MATN3: variants seen among roughly 807,000 people sequenced by gnomAD.
The protein encoded by MATN3 is matrilin 3.
Under a neutral mutation model 45.3 loss-of-function variants are expected in MATN3, and 48 were observed. That is an observed-to-expected ratio of 1.06 (90% CI 0.84 to 1.35). MATN3 has a LOEUF of 1.35. MATN3 is among the 40% of genes most tolerant of loss of function. The pLI is 0.00. For synonymous variants in MATN3, 217 were observed against 245.9 expected (o/e 0.88, Z 1.10); for missense variants, 599 against 628.0 (o/e 0.95, Z 0.49).
chr2:19,999,031 C>T (rs866926052), intron 5 of MATN3, among the ~76,000 whole-genome samples: 2 of 152,210 alleles, frequency 1.3e-5, no homozygotes, highest in Middle Eastern at 3.4e-3. Flanking sequence ...TGCCTAGAAT[C>T]CTGCATGGCC....
At chr2:20,005,694 G>A (rs368500408) in intron 2 of MATN3, 50 bp downstream of exon 2, 4 of 1,373,374 alleles carry the variant, frequency 2.9e-6, no homozygotes, top group Admixed American at 2.5e-5. Context: ...GGTACACAAT[G>A]TCTGAATATA....
At chr2:19,994,455 T>C (rs1202381482) in intron 6 of MATN3, 46 bp from the exon 7 acceptor site, 1 of 1,059,414 alleles carries the variant, frequency 9.4e-7, no homozygotes, top group Non-Finnish European at 1.4e-6. Flanking sequence ...GGAATAGCTA[T>C]ATAGGAATCA....
At chr2:20,004,847 G>A (rs1051015567) in intron 2 of MATN3, among the ~76,000 whole-genome samples, 1 of 152,108 alleles carries the variant, frequency 6.6e-6, no homozygotes, top group African/African-American at 2.4e-5. Context: ...AAATTCACCT[G>A]AACTAGAAAT....
In MATN3 at chr2:20,006,264, A is replaced by G; in HGVS notation, c.270T>C (p.Ser90=). ...ATTCCAGGGGCCGTACGCTACGAGAACTATCAATGATAAACACCAGGTCCA... is the reference window on the plus strand; with the variant it reads ...ATTCCAGGGGCCGTACGCTACGAGAGCTATCAATGATAAACACCAGGTCCA... ...RPLDLVFIID[S]SRSVRPLEFT... is the part of the protein sequence containing the mutation. The change falls in exon 2 of 8, where the codon AGT becomes AGC. Residue 90 remains serine, a synonymous_variant. Coordinates refer to ENST00000407540, the MANE Select transcript of MATN3 (RefSeq NM_002381.5). 2.5e-6 allele frequency: 4 copies of G among 1,601,514 alleles called. No individual in the cohort carries two copies. Among genetic ancestry groups the G allele is most frequent in the Non-Finnish European group, 3.4e-6 (4 of 1,174,790 alleles).
intron 6 of MATN3, among the ~76,000 whole-genome samples, chr2:19,996,133 T>C (rs1456372112): frequency 6.6e-6 from 1 of 152,052 alleles, no homozygotes; most frequent in Non-Finnish European, 1.5e-5. Context: ...TAAACCTGGA[T>C]TGTAGAAAAA....
At chr2:20,000,414 T>G in intron 5 of MATN3, 27 bp downstream of exon 5, 1 of 1,583,480 alleles carries the variant, frequency 6.3e-7, no homozygotes, top group Admixed American at 1.9e-5. Context: ...GACCCAAGTA[T>G]GAAAGAATTT....
intron 1 of MATN3, among the ~76,000 whole-genome samples, chr2:20,009,084 G>T (rs1351938047): frequency 6.6e-6 from 1 of 151,724 alleles, no homozygotes; most frequent in African/African-American, 2.4e-5. Context: ...AATTAGCCAG[G>T]CATGGTGGCA....
rs1285767909 is a variant in MATN3, at chr2:20,005,814, C to A, written c.720G>T (p.Glu240Asp). 19 of 1,610,796 alleles carry A rather than the reference C, an allele frequency of 1.2e-5. No individual in the cohort carries two copies. Among genetic ancestry groups the A allele is most frequent in the Non-Finnish European group, 1.5e-5 (18 of 1,178,444 alleles). ...LKMMASEPLE[E>D]HVFYVETYGV... ...CATAGGTCTCCACGTAGAAAACATGCTCCTCTAGGGGCTCACTGGCCATCA... is the reference window on the plus strand; with the variant it reads ...CATAGGTCTCCACGTAGAAAACATGATCCTCTAGGGGCTCACTGGCCATCA... The change falls in exon 2 of 8, where the codon GAG (glutamate) becomes GAT (aspartate). Residue 240 changes from glutamate (E) to aspartate (D), a missense_variant. Physicochemically the swap from Glu to Asp is conservative, Grantham distance 45 (BLOSUM62 2). Transcript: ENST00000407540.
rs1672794406 is a variant in MATN3, at chr2:19,993,175, T to C, written c.1406-9A>G. ...CTCCAAAATGTCATCAAGTGGCAAG[T>C]TGTTAAGGCCAACACCATTTATTTT... On this transcript the variant is annotated splice_polypyrimidine_tract_variant and intron_variant, in intron 7 of 7. Transcript: ENST00000407540. The C allele has an allele frequency of 6.2e-7, 1 of 1,600,130 alleles. No individual in the cohort carries two copies. The highest frequency in any genetic ancestry group is 8.6e-7 in the Non-Finnish European group (1 of 1,167,898).
At chr2:19,996,627 A>G (rs1276302179) in intron 6 of MATN3, among the ~76,000 whole-genome samples, 1 of 152,204 alleles carries the variant, frequency 6.6e-6, no homozygotes, top group Non-Finnish European at 1.5e-5. Flanking sequence ...AGGAAGAAGC[A>G]GTGAATCTGG....
In MATN3 at chr2:20,001,966, T is replaced by C; in HGVS notation, c.1031A>G (p.Lys344Arg). The C allele has an allele frequency of 6.2e-7, 1 of 1,613,290 alleles. No homozygotes were observed. Among genetic ancestry groups the C allele is most frequent in the South Asian group, 1.1e-5 (1 of 90,930 alleles). The change falls in exon 4 of 8, where the codon AAA becomes AGA. Residue 344 changes from lysine (K) to arginine (R), a missense_variant. Physicochemically the swap from Lys to Arg is conservative, Grantham distance 26. Coordinates refer to ENST00000407540, the MANE Select transcript of MATN3 (RefSeq NM_002381.5). ...CCTCCCTCACTTACCTGAACAAGTTTTCCTGTCTTCATTCAAGGTATAACC... is the reference window on the plus strand; with the variant it reads ...CCTCCCTCACTTACCTGAACAAGTTCTCCTGTCTTCATTCAAGGTATAACC... ...YEGYTLNEDR[K>R]TCSAQDKCAL...
intron 3 of MATN3, 96 bp from the exon 4 acceptor site, chr2:20,002,176 A>ACACT (rs1672998577): frequency 1.1e-6 from 1 of 888,908 alleles, no homozygotes; most frequent in Admixed American, 2.7e-5. Flanking sequence ...ACACACACAC[A>ACACT]CACACACACA....
intron 1 of MATN3, 62 bp from the exon 2 acceptor site, chr2:20,006,372 G>T: frequency 7.6e-7 from 1 of 1,316,084 alleles, no homozygotes; most frequent in Non-Finnish European, 1.0e-6. Context: ...CACTTCCAGA[G>T]AACTCTGGGA....
intron 5 of MATN3, among the ~76,000 whole-genome samples, chr2:19,999,650 A>G (rs950546701): frequency 1.4e-5 from 2 of 142,118 alleles, no homozygotes; most frequent in East Asian, 4.1e-4. Flanking sequence ...AAAAAAAAAA[A>G]GAGGGGACTG....
At chr2:20,010,989 CAAAG>C (rs1440478244) in intron 1 of MATN3, among the ~76,000 whole-genome samples, 1 of 152,186 alleles carries the variant, frequency 6.6e-6, no homozygotes, top group Non-Finnish European at 1.5e-5. Context: ...TTCCCAAGAA[CAAAG>C]AAAGAATCTG....
In MATN3 at chr2:19,995,006, C is replaced by T. The variant is rs1558369717; in HGVS notation, c.1295-597G>A. Among the ~76,000 whole-genome samples the T allele has an allele frequency of 6.6e-6, 1 of 152,174 alleles. No homozygotes were observed. Among genetic ancestry groups the T allele is most frequent in the Non-Finnish European group, 1.5e-5 (1 of 68,044 alleles). On this transcript the variant is annotated intron_variant, in intron 6 of 7. Transcript: ENST00000407540. The surrounding 1 kb of genome is among the most constrained non-coding windows in gnomAD (Gnocchi z 4.2). ...TCGAGAGGCTGAGGCAGGAGGATCACTTGAGCCCAGGAGTTCAAGGCTGCA... is the reference window on the plus strand; with the variant it reads ...TCGAGAGGCTGAGGCAGGAGGATCATTTGAGCCCAGGAGTTCAAGGCTGCA...
intron 7 of MATN3, among the ~76,000 whole-genome samples, chr2:19,993,888 C>T (rs75669705): frequency 6.6e-6 from 1 of 152,180 alleles, no homozygotes; most frequent in South Asian, 2.1e-4. Context: ...GCTTTTTGAC[C>T]ACTTGGCTAG....
intron 1 of MATN3, among the ~76,000 whole-genome samples, chr2:20,008,466 A>G (rs1673155286): frequency 1.3e-5 from 2 of 152,252 alleles, no homozygotes; most frequent in South Asian, 4.1e-4. Flanking sequence ...TAAGCAGTTT[A>G]TAGAAAAAAA....
At chr2:20,003,398 C>G in intron 2 of MATN3, 112 bp from the exon 3 acceptor site, 1 of 1,017,266 alleles carries the variant, frequency 9.8e-7, no homozygotes, top group Non-Finnish European at 1.4e-6. Context: ...TCCATCTTTA[C>G]TTCACTATAA....
Sources: gnomAD v4.1 joint callset for allele counts (sites outside exome capture counted in the v4.1 genomes callset) on GRCh38, gnomAD v4.1.1 for gene constraint, Gnocchi (gnomAD v3.1) non-coding constraint, MANE v1.5 for transcripts, NCBI Gene and HGNC (gene_info 2026-07-23, HGNC 2026-07-21) for gene names.